ADGRL3: variants seen among roughly 807,000 people sequenced by gnomAD.
ADGRL3 encodes the protein calcium-independent alpha-latrotoxin receptor 3.
Under a neutral mutation model 153.5 loss-of-function variants are expected in ADGRL3, and 62 were observed. The observed-to-expected ratio is 0.40, with a 90% confidence interval of 0.33 to 0.50. ADGRL3 has a LOEUF of 0.50. ADGRL3 is among the 20% of genes least tolerant of loss of function. The pLI, the probability that ADGRL3 is intolerant of heterozygous loss-of-function variation, is 0.47. For synonymous variants in ADGRL3, 710 were observed against 672.5 expected (o/e 1.06, Z -0.86); for missense variants, 1,641 against 1,859.4 (o/e 0.88, Z 2.16).
At chr4:61,711,495 C>CACAT (rs1554009899) in intron 6 of ADGRL3, among the ~76,000 whole-genome samples, 9,305 of 86,146 alleles carry the variant, frequency 0.11, 733 homozygotes, top group East Asian at 0.2. Flanking sequence ...TATATATACA[C>CACAT]ACACACACAC....
intron 5 of ADGRL3, among the ~76,000 whole-genome samples, chr4:61,643,808 T>C (rs2093814805): frequency 6.8e-6 from 1 of 146,304 alleles, no homozygotes; most frequent in African/African-American, 2.6e-5. Flanking sequence ...CCTCATAAAA[T>C]GAGTTAGGGA....
At chr4:61,210,733 T>C (rs1739599412) in intron 1 of ADGRL3, among the ~76,000 whole-genome samples, 1 of 152,210 alleles carries the variant, frequency 6.6e-6, no homozygotes, top group African/African-American at 2.4e-5. Flanking sequence ...CAATGGCTTA[T>C]GGTTGTTGTT....
chr4:61,939,678 C>T (rs1306731606), intron 15 of ADGRL3, among the ~76,000 whole-genome samples: 2 of 152,024 alleles, frequency 1.3e-5, no homozygotes, highest in East Asian at 3.9e-4. Flanking sequence ...CCATATTGGT[C>T]AGGCTGGTCT....
intron 10 of ADGRL3, among the ~76,000 whole-genome samples, chr4:61,895,249 C>T (rs1156718902): frequency 2.0e-5 from 3 of 152,048 alleles, no homozygotes; most frequent in Non-Finnish European, 4.4e-5. Context: ...GGGCAGATCA[C>T]GAGGTCAGGA....
At chr4:61,214,290 T>C (rs1213332970) in intron 1 of ADGRL3, among the ~76,000 whole-genome samples, 1 of 152,214 alleles carries the variant, frequency 6.6e-6, no homozygotes, top group Non-Finnish European at 1.5e-5. Context: ...CATGAAGAAT[T>C]GAGTCCACCA....
intron 1 of ADGRL3, among the ~76,000 whole-genome samples, chr4:61,329,085 A>C (rs1490765332): frequency 6.6e-6 from 1 of 152,180 alleles, no homozygotes; most frequent in Non-Finnish European, 1.5e-5. Flanking sequence ...TTGAGCAGAC[A>C]TGAAGGACTG....
At chr4:61,333,668 C>CTGCA (rs1560485540) in intron 1 of ADGRL3, among the ~76,000 whole-genome samples, 1 of 152,076 alleles carries the variant, frequency 6.6e-6, no homozygotes, top group Non-Finnish European at 1.5e-5. Flanking sequence ...TCACGGCTTA[C>CTGCA]TGCATGCAGC....
At position 61,909,703 on chromosome 4, in the gene ADGRL3, G is replaced by A; in HGVS notation, c.2031G>A (p.Leu677=). 2 of 1,581,308 alleles carry A rather than the reference G, an allele frequency of 1.3e-6. No homozygotes were observed. Among genetic ancestry groups the A allele is most frequent in the Non-Finnish European group, 1.7e-6 (2 of 1,163,322 alleles). ...VGLLDVQLRN[L]TPGGKDSAAR... ...TCCTAGATGTACAGCTTCGGAACTT[G>A]ACCCCAGGTGGAAAAGATAGTGCTG... Residue 677 remains leucine, a synonymous_variant, in exon 12 of 27, where the codon TTG becomes TTA. Coordinates refer to ENST00000683033, the MANE Select transcript of ADGRL3 (RefSeq NM_001387552.1).
intron 8 of ADGRL3, among the ~76,000 whole-genome samples, chr4:61,748,252 A>G (rs931173824): frequency 8.5e-5 from 13 of 152,220 alleles, no homozygotes; most frequent in Non-Finnish European, 4.4e-5. Context: ...ATGGGTAGGA[A>G]GAATCAATAT....
chr4:61,755,340 G>A (rs1413181491), intron 8 of ADGRL3, among the ~76,000 whole-genome samples: 2 of 151,996 alleles, frequency 1.3e-5, no homozygotes, highest in African/African-American at 4.8e-5. Flanking sequence ...ATCTCACTGT[G>A]GTTTTGATTT....
At chr4:61,985,103 A>G (rs1045441132) in intron 19 of ADGRL3, among the ~76,000 whole-genome samples, 2 of 152,116 alleles carry the variant, frequency 1.3e-5, no homozygotes, top group East Asian at 3.9e-4. Flanking sequence ...ATTTATTACT[A>G]AAAGTGGTTT....
intron 1 of ADGRL3, among the ~76,000 whole-genome samples, chr4:61,340,201 T>A (rs2151116681): frequency 6.6e-6 from 1 of 152,298 alleles, no homozygotes; most frequent in East Asian, 1.9e-4. Context: ...TTGGATATTT[T>A]GCTTTACCCG....
chr4:61,413,202 C>A (rs2097107558), intron 2 of ADGRL3, among the ~76,000 whole-genome samples: 1 of 152,146 alleles, frequency 6.6e-6, no homozygotes, highest in East Asian at 1.9e-4. Context: ...AGGCTCCTCA[C>A]TAGGCCTCTA....
intron 9 of ADGRL3, among the ~76,000 whole-genome samples, chr4:61,891,448 A>G (rs2098584892): frequency 6.6e-6 from 1 of 152,190 alleles, no homozygotes. Context: ...AAGACACATA[A>G]TAGACAGCAT....
intron 8 of ADGRL3, among the ~76,000 whole-genome samples, chr4:61,812,029 A>G (rs2097632054): frequency 6.6e-6 from 1 of 152,108 alleles, no homozygotes; most frequent in African/African-American, 2.4e-5. Flanking sequence ...AAGATCTACA[A>G]AGTTTCAAAC....
intron 11 of ADGRL3, among the ~76,000 whole-genome samples, chr4:61,900,502 C>G (rs776878919): frequency 6.6e-6 from 1 of 151,762 alleles, no homozygotes; most frequent in Non-Finnish European, 1.5e-5. Context: ...GAATTTGTTG[C>G]GAATAAACTA....
At position 61,895,771 on chromosome 4, in the gene ADGRL3, G is replaced by T. The variant is rs778089871; in HGVS notation, c.1824G>T (p.Trp608Cys). ...TYLCLAPDGI[W>C]DPQGPDLSNC... is the part of the protein sequence containing the mutation. The stretch of plus-strand genomic sequence containing the variant: ...TATGCCTTGCTCCTGATGGAATTTG[G>T]GATCCCCAAGGTCCAGATCTCAGCA... Residue 608 changes from tryptophan (W) to cysteine (C), a missense_variant, in exon 11 of 27, where the codon TGG (tryptophan) becomes TGT (cysteine). Coordinates refer to ENST00000683033, the MANE Select transcript of ADGRL3 (RefSeq NM_001387552.1). 1 of 1,600,166 alleles carries T rather than the reference G, an allele frequency of 6.2e-7. No individual in the cohort carries two copies. Among genetic ancestry groups the T allele is most frequent in the Non-Finnish European group, 8.5e-7 (1 of 1,172,562 alleles).
At position 61,917,719 on chromosome 4, in the gene ADGRL3, G is replaced by A. The variant is rs181799000; in HGVS notation, c.2112+4962G>A. Reference sequence around the variant, plus strand: ...GCAAGAAAGCAGGAAATGAATTACCGAGGTGATATTTGAGCAAAACTCAGA... The same window carrying A: ...GCAAGAAAGCAGGAAATGAATTACCAAGGTGATATTTGAGCAAAACTCAGA... On this transcript the variant is annotated intron_variant, in intron 13 of 26. Transcript: ENST00000683033. 4.4e-3 allele frequency among the ~76,000 whole-genome samples: 658 copies of A among 148,164 alleles called. 9 individuals are homozygous for A. Among genetic ancestry groups the A allele is most frequent in the African/African-American group, 0.017 (630 of 37,736 alleles).
chr4:61,217,102 A>G (rs910293697), intron 1 of ADGRL3, among the ~76,000 whole-genome samples: 1 of 152,232 alleles, frequency 6.6e-6, no homozygotes, highest in Non-Finnish European at 1.5e-5. Flanking sequence ...TGCAGGGGAT[A>G]TGGAGCATAA....
Sources: gnomAD v4.1 joint callset for allele counts (sites outside exome capture counted in the v4.1 genomes callset) on GRCh38, gnomAD v4.1.1 for gene constraint, MANE v1.5 for transcripts, NCBI Gene and HGNC (gene_info 2026-07-23, HGNC 2026-07-21) for gene names.